The following UBE2G1 variants were observed in gnomAD, a reference collection of about 807,000 sequenced individuals.
UBE2G1 encodes ubiquitin conjugating enzyme E2 G1, also known as ubiquitin-conjugating enzyme E2 G1.
A neutral mutation model predicts 22.7 loss-of-function variants in UBE2G1; 5 were observed. That is an observed-to-expected ratio of 0.22 (90% CI 0.12 to 0.46). The LOEUF (loss-of-function observed/expected upper bound fraction) is 0.46, where lower values mean the gene tolerates loss of function less well. Among genes scored for constraint, UBE2G1 ranks in the 20% least tolerant of loss-of-function variants. The pLI is 0.99. For missense variants in UBE2G1, 88 were observed against 203.9 expected (o/e 0.43, Z 3.46); for synonymous variants, 74 against 67.5 (o/e 1.10, Z -0.47).
intron 1 of UBE2G1, among the ~76,000 whole-genome samples, chr17:4,353,367 G>A (rs192800409): frequency 7.2e-5 from 11 of 151,946 alleles, no homozygotes; most frequent in African/African-American, 2.4e-4. Flanking sequence ...ATAATATTGT[G>A]GTGAAGTAGC....
rs1968770445 is a variant in UBE2G1, at chr17:4,272,320, G to A, written c.*234C>T. 6.0e-6 allele frequency: 1 copy of A among 165,730 alleles called. No individual in the cohort carries two copies. Among genetic ancestry groups the A allele is most frequent in the East Asian group, 1.9e-4 (1 of 5,212 alleles). The allele number at this position is 165,730 out of a possible 1,614,324, so 10.3% of individuals were successfully genotyped here. A position where few individuals can be genotyped will look rare whatever the true frequency, so the allele number is the denominator to read the frequency against. On this transcript the variant is annotated 3_prime_UTR_variant, in exon 6 of 6. Transcript: ENST00000396981. ...ACAGGTCTTTACAATTCTTCCTGAA[G>A]GTTAAAACAGTTCATTAGAATTCAA...
intron 5 of UBE2G1, among the ~76,000 whole-genome samples, chr17:4,279,563 A>G (rs895969257): frequency 6.6e-6 from 1 of 152,062 alleles, no homozygotes; most frequent in Non-Finnish European, 1.5e-5. Flanking sequence ...TAGCCAAGAA[A>G]CGAAAAGTAA....
At chr17:4,332,181 G>T (rs1014001232) in intron 1 of UBE2G1, among the ~76,000 whole-genome samples, 11 of 151,726 alleles carry the variant, frequency 7.2e-5, no homozygotes, top group African/African-American at 2.7e-4. Context: ...ATTTTACATT[G>T]TGTTCACTTT....
At chr17:4,318,595 A>C (rs1338797443) in intron 1 of UBE2G1, among the ~76,000 whole-genome samples, 1 of 152,182 alleles carries the variant, frequency 6.6e-6, no homozygotes, top group Non-Finnish European at 1.5e-5. Flanking sequence ...TTTTTGTCTA[A>C]ATTTATTTTA....
intron 5 of UBE2G1, among the ~76,000 whole-genome samples, chr17:4,274,826 G>C (rs1167068551): frequency 6.6e-6 from 1 of 152,160 alleles, no homozygotes; most frequent in Non-Finnish European, 1.5e-5. Context: ...GCCAAGGTGG[G>C]AAGATTGTTA....
intron 1 of UBE2G1, among the ~76,000 whole-genome samples, chr17:4,356,406 G>C (rs531278791): frequency 1.4e-4 from 22 of 152,228 alleles, no homozygotes; most frequent in African/African-American, 5.1e-4. Context: ...TTTACATAGT[G>C]CTACTAAATG....
intron 1 of UBE2G1, among the ~76,000 whole-genome samples, chr17:4,313,422 T>C (rs1452251276): frequency 1.3e-5 from 2 of 152,220 alleles, no homozygotes; most frequent in Non-Finnish European, 2.9e-5. Flanking sequence ...TCTACTTATA[T>C]TCCTAAGGTA....
At chr17:4,346,232 C>T (rs967630655) in intron 1 of UBE2G1, among the ~76,000 whole-genome samples, 4 of 152,034 alleles carry the variant, frequency 2.6e-5, no homozygotes, top group Admixed American at 6.6e-5. Flanking sequence ...ACCATGAATG[C>T]CTCACTCAGA....
intron 5 of UBE2G1, among the ~76,000 whole-genome samples, chr17:4,282,404 T>C (rs1287076426): frequency 2.6e-5 from 4 of 152,170 alleles, no homozygotes; most frequent in African/African-American, 7.2e-5. Context: ...CTTAAAGGAA[T>C]AGGTAGATGA....
chr17:4,288,283 G>C (rs1249681378), intron 4 of UBE2G1, among the ~76,000 whole-genome samples: 1 of 152,148 alleles, frequency 6.6e-6, no homozygotes. Flanking sequence ...TTTGTTTTTA[G>C]AGTCCAGATC....
chr17:4,280,104 C>T (rs1053361556), intron 5 of UBE2G1, among the ~76,000 whole-genome samples: 1 of 150,062 alleles, frequency 6.7e-6, no homozygotes, highest in Non-Finnish European at 1.5e-5. Context: ...GGCGTGATCT[C>T]GGCTCATCGC....
At chr17:4,363,745 G>A (rs545613442) in intron 1 of UBE2G1, among the ~76,000 whole-genome samples, 1 of 152,000 alleles carries the variant, frequency 6.6e-6, no homozygotes, top group Admixed American at 6.6e-5. Context: ...GAGGTCAGGA[G>A]ATCAAGACCA....
chr17:4,321,538 G>A (rs1969438284), intron 1 of UBE2G1, among the ~76,000 whole-genome samples: 1 of 152,080 alleles, frequency 6.6e-6, no homozygotes, highest in Non-Finnish European at 1.5e-5. Flanking sequence ...TGTGGCCCAG[G>A]CTGGAGCGCA....
At chr17:4,306,833 G>C (rs1381114521) in intron 2 of UBE2G1, among the ~76,000 whole-genome samples, 188 bp downstream of exon 2, 1 of 152,094 alleles carries the variant, frequency 6.6e-6, no homozygotes, top group East Asian at 1.9e-4. Flanking sequence ...TGTATTTTTA[G>C]TAGAGATGGG....
intron 4 of UBE2G1, among the ~76,000 whole-genome samples, chr17:4,288,021 T>C (rs532918026): frequency 4.6e-5 from 7 of 152,326 alleles, no homozygotes; most frequent in African/African-American, 1.7e-4. Flanking sequence ...AAAGACAGCC[T>C]TGTTCTTAGG....
At chr17:4,325,967 C>G (rs1969500546) in intron 1 of UBE2G1, among the ~76,000 whole-genome samples, 1 of 152,038 alleles carries the variant, frequency 6.6e-6, no homozygotes, top group Admixed American at 6.6e-5. Flanking sequence ...AAAAATAACT[C>G]TAAATGAACT....
intron 4 of UBE2G1, 72 bp downstream of exon 4, chr17:4,289,158 T>C (rs530903256): frequency 7.3e-7 from 1 of 1,364,714 alleles, no homozygotes; most frequent in South Asian, 1.8e-5. Flanking sequence ...CATACTTACA[T>C]ACATACTAAC....
chr17:4,358,924 C>G, intron 1 of UBE2G1, among the ~76,000 whole-genome samples: 1 of 151,512 alleles, frequency 6.6e-6, no homozygotes, highest in Non-Finnish European at 1.5e-5. Context: ...TGCACTTAAG[C>G]CTGGGCAACA....
At chr17:4,366,097 A>G (rs1007494690) in intron 1 of UBE2G1, among the ~76,000 whole-genome samples, 174 bp downstream of exon 1, 6 of 151,910 alleles carry the variant, frequency 3.9e-5, no homozygotes, top group South Asian at 2.1e-4. Context: ...AGTGCCCTCC[A>G]AGAGCCGGGC....
Sources: gnomAD v4.1 joint callset for allele counts (sites outside exome capture counted in the v4.1 genomes callset) on GRCh38, gnomAD v4.1.1 for gene constraint, MANE v1.5 for transcripts, NCBI Gene and HGNC (gene_info 2026-07-23, HGNC 2026-07-21) for gene names.